Variants in ANKRD13B observed in about 807,000 individuals in gnomAD.
The protein encoded by ANKRD13B is ankyrin repeat domain 13B, also known as ankyrin repeat domain-containing protein 13B.
Under a neutral mutation model 74.4 loss-of-function variants are expected in ANKRD13B, and 33 were observed. The observed-to-expected ratio is 0.44, with a 90% CI of 0.34 to 0.59. The LOEUF (loss-of-function observed/expected upper bound fraction) is 0.59, where lower values mean the gene tolerates loss of function less well. Ranked by LOEUF, ANKRD13B falls within the 20% of genes least tolerant of loss-of-function variation. The probability of loss-of-function intolerance (pLI) is 0.02; values close to 1 mark genes in which losing one functional copy is unlikely to be tolerated. For missense variants in ANKRD13B, 676 were observed against 877.9 expected (o/e 0.77, Z 2.91); for synonymous variants, 341 against 362.9 (o/e 0.94, Z 0.68).
In ANKRD13B at chr17:29,593,667, T is replaced by C. The variant is rs1383526298; in HGVS notation, c.46T>C (p.Tyr16His). 2.8e-6 allele frequency: 4 copies of C among 1,431,538 alleles called. No individual in the cohort carries two copies. In the South Asian group the frequency reaches 4.2e-5, roughly 15 times the overall value. The allele number at this position is 1,431,538 out of a possible 1,614,324, so 88.7% of individuals were successfully genotyped here. Residue 16 changes from tyrosine to histidine, a missense_variant, in exon 1 of 15, where the codon TAT (tyrosine) becomes CAT (histidine). This residue lies in a region of ANKRD13B where 88 missense variants were observed against 87.8 expected (regional missense o/e 1.00). Transcript: ENST00000394859. ...CGCCAGGAAGGGGCCCGAGGGCAAG[T>C]ATCCGCTGCACTACCTCGTGTGGCA... ...ASARKGPEGK[Y>H]PLHYLVWHNR...
At chr17:29,603,138 C>G (rs539530876) in intron 1 of ANKRD13B, among the ~76,000 whole-genome samples, 1 of 152,006 alleles carries the variant, frequency 6.6e-6, no homozygotes, top group Non-Finnish European at 1.5e-5. Flanking sequence ...CGTGAGCCAC[C>G]GCACCCGGCC....
In ANKRD13B at chr17:29,609,157, G is replaced by A; in HGVS notation, c.637G>A (p.Gly213Arg). Residue 213 changes from glycine to arginine, a missense_variant, in exon 6 of 15, where the codon GGG (glycine) becomes AGG (arginine). By Grantham distance (125) the Gly-to-Arg change is moderately radical. Transcript: ENST00000394859. This position sits in a 1 kb window ranked among gnomAD's most constrained non-coding sequence, Gnocchi z 4.0. The stretch of plus-strand genomic sequence containing the variant: ...GTACACAGAGACTCTGGCACTGGCT[G>A]GGCAGGACCGGGAGCTGCTGCTGGC... ...VVYTETLALAGQDRELLLAAA... is the reference protein window; with the variant it reads ...VVYTETLALARQDRELLLAAA... 1.2e-6 allele frequency: 2 copies of A among 1,612,358 alleles called. No homozygotes were observed. The highest frequency in any genetic ancestry group is 1.7e-6 in the Non-Finnish European group (2 of 1,180,030).
At chr17:29,596,527 G>A (rs1265970414) in intron 1 of ANKRD13B, among the ~76,000 whole-genome samples, 1 of 152,244 alleles carries the variant, frequency 6.6e-6, no homozygotes, top group Non-Finnish European at 1.5e-5. Flanking sequence ...GGGTTAGCCT[G>A]TGCAGCTCCC....
At chr17:29,597,988 G>T (rs1037631586) in intron 1 of ANKRD13B, among the ~76,000 whole-genome samples, 1 of 152,128 alleles carries the variant, frequency 6.6e-6, no homozygotes, top group African/African-American at 2.4e-5. Context: ...TAGCTGCAGC[G>T]GCTGCGGCTG....
intron 1 of ANKRD13B, among the ~76,000 whole-genome samples, chr17:29,601,244 CAG>C (rs1481002111): frequency 7.2e-6 from 1 of 138,084 alleles, no homozygotes; most frequent in Non-Finnish European, 1.5e-5. Flanking sequence ...TTTTTTGAGA[CAG>C]AGTCTCTCTC....
At chr17:29,607,542 CGTGTCTGTCTTTCCGTTGCTCATA>C (rs887635735) in intron 1 of ANKRD13B, among the ~76,000 whole-genome samples, 176 bp from the exon 2 acceptor site, 3 of 152,220 alleles carry the variant, frequency 2.0e-5, no homozygotes, top group South Asian at 2.1e-4. Context: ...TTTCCATCCA[CGTGTCTGTCTTTCCGTTGCTCATA>C]GTGTCTGTCT....
In ANKRD13B at chr17:29,613,404, C is replaced by G. The variant is rs1025052775; in HGVS notation, c.1703C>G (p.Pro568Arg). ...CAGCCTGCGCCCCCGGCGTCAGTGC[C>G]CAGCCCTCGGCCCAGCTCAGGGCCA... is the stretch of plus-strand genomic sequence containing the variant. The part of the protein sequence containing the change: ...QRQPAPPASV[P>R]SPRPSSGPGS... Residue 568 changes from proline to arginine, a missense_variant, in exon 15 of 15, where the codon CCC becomes CGC. By Grantham distance (103) the Pro-to-Arg change is moderately radical. Around this residue, in one of 4 missense-constraint regions of ANKRD13B, gnomAD observed 108 missense variants for 90.3 expected, o/e 1.20. Coordinates refer to ENST00000394859, the MANE Select transcript of ANKRD13B (RefSeq NM_152345.5). 6.6e-6 allele frequency: 10 copies of G among 1,504,904 alleles called. No homozygotes were observed. In the Admixed American group the frequency reaches 8.5e-5, roughly 13 times the overall value. The allele number at this position is 1,504,904 out of a possible 1,614,324, so 93.2% of individuals were successfully genotyped here. A position where few individuals can be genotyped will look rare whatever the true frequency, so the allele number is the denominator to read the frequency against.
rs766767416 is a variant in ANKRD13B, at chr17:29,611,401, C to T, written c.905-178C>T. Among the ~76,000 whole-genome samples the T allele has an allele frequency of 3.3e-5, 5 of 152,184 alleles. No homozygotes were observed. The highest frequency in any genetic ancestry group is 5.9e-5 in the Non-Finnish European group (4 of 68,022). ...AGCTGTGCTCACAGAGGCCCTGGCC[C>T]CTGGTCCTTGAAGCACTCAGTCCCC... is the stretch of plus-strand genomic sequence containing the variant. On this transcript the variant is annotated intron_variant, in intron 8 of 14. Coordinates refer to ENST00000394859, the MANE Select transcript of ANKRD13B (RefSeq NM_152345.5). This position sits in a 1 kb window ranked among gnomAD's most constrained non-coding sequence, Gnocchi z 4.3.
rs1338444019 is a variant in ANKRD13B at position 29,611,814 on chromosome 17, A to T, written c.970-62A>T. On this transcript the variant is annotated intron_variant, in intron 9 of 14. Transcript: ENST00000394859. The surrounding 1 kb of genome is among the most constrained non-coding windows in gnomAD (Gnocchi z 4.3). The stretch of plus-strand genomic sequence containing the variant: ...ACAGCTTGGGGGCCTTGTGACAACA[A>T]ATGAGTTGGCCTGGCATTAGGAACT... 9 of 1,565,216 alleles carry T rather than the reference A, an allele frequency of 5.8e-6. No homozygotes were observed. In the Admixed American group the frequency reaches 1.4e-4, roughly 25 times the overall value.
At position 29,612,856 on chromosome 17, in the gene ANKRD13B, C is replaced by T. The variant is rs771592128; in HGVS notation, c.1576-31C>T. 3.7e-6 allele frequency: 6 copies of T among 1,600,254 alleles called. No homozygotes were observed. The highest frequency in any genetic ancestry group is 5.1e-6 in the Non-Finnish European group (6 of 1,179,072). On this transcript the variant is annotated intron_variant, in intron 13 of 14. Coordinates refer to ENST00000394859, the MANE Select transcript of ANKRD13B (RefSeq NM_152345.5). The surrounding 1 kb of genome is among the most constrained non-coding windows in gnomAD (Gnocchi z 6.1). ...CGCGCGGGGCCACGGGACTCCGCGC[C>T]GCCACGGCTAACGCCCACGCCTCCC...
chr17:29,599,875 T>TTTTTG (rs2034096250), intron 1 of ANKRD13B, among the ~76,000 whole-genome samples: 1 of 118,628 alleles, frequency 8.4e-6, no homozygotes, highest in Non-Finnish European at 1.7e-5. Flanking sequence ...GTTTTTTTTT[T>TTTTTG]TTTTTTTTTT....
chr17:29,608,571 T>G lies in ANKRD13B; in HGVS notation c.422-280T>G. On this transcript the variant is annotated intron_variant, in intron 4 of 14. Transcript: ENST00000394859. This position sits in a 1 kb window ranked among gnomAD's most constrained non-coding sequence, Gnocchi z 6.4. ...CACTCAGTAGGTGTTTCATAAATAT[T>G]TGTTGAAAGAATGGATGAAAGAGTG... 1 of 571,370 alleles carries G rather than the reference T, an allele frequency of 1.8e-6. No individual in the cohort carries two copies. The highest frequency in any genetic ancestry group is 4.7e-4 in the Middle Eastern group (1 of 2,136). The allele number at this position is 571,370 out of a possible 1,614,324, so 35.4% of individuals were successfully genotyped here.
intron 1 of ANKRD13B, among the ~76,000 whole-genome samples, chr17:29,600,922 CTTTTTTTTT>C: frequency 8.0e-6 from 1 of 125,688 alleles, no homozygotes; most frequent in Non-Finnish European, 1.7e-5. Context: ...ATTTTACTGA[CTTTTTTTTT>C]TTTTTTTTTT....
intron 1 of ANKRD13B, among the ~76,000 whole-genome samples, chr17:29,600,613 G>A (rs1040844794): frequency 6.6e-6 from 1 of 152,166 alleles, no homozygotes; most frequent in African/African-American, 2.4e-5. Context: ...AGCTTAATGA[G>A]GCTGGGAAGG....
chr17:29,612,032 G>A lies in ANKRD13B; in HGVS notation c.1100+26G>A. ...GTGAGGCCCCTGCCGGTGCTGGGAAGGTGGGGGGCCGGGGCTCCAGGAGAT... is the reference window on the plus strand; with the variant it reads ...GTGAGGCCCCTGCCGGTGCTGGGAAAGTGGGGGGCCGGGGCTCCAGGAGAT... On this transcript the variant is annotated intron_variant, in intron 10 of 14. Transcript: ENST00000394859. This position sits in a 1 kb window ranked among gnomAD's most constrained non-coding sequence, Gnocchi z 6.1. 6.2e-7 allele frequency: 1 copy of A among 1,609,374 alleles called. No homozygotes were observed. Among genetic ancestry groups the A allele is most frequent in the Non-Finnish European group, 8.5e-7 (1 of 1,177,180 alleles).
At chr17:29,597,550 C>G (rs62068576) in intron 1 of ANKRD13B, among the ~76,000 whole-genome samples, 52,050 of 151,918 alleles carry the variant, frequency 0.34, 10,712 homozygotes, top group East Asian at 0.65. Flanking sequence ...AAGGAATCTC[C>G]GTTCTCTTGG....
At chr17:29,605,977 A>G (rs1186154179) in intron 1 of ANKRD13B, among the ~76,000 whole-genome samples, 1 of 151,314 alleles carries the variant, frequency 6.6e-6, no homozygotes, top group Non-Finnish European at 1.5e-5. Flanking sequence ...CAGTGGCATG[A>G]TCTCGGCTCA....
intron 14 of ANKRD13B, 157 bp downstream of exon 14, chr17:29,613,120 G>C: frequency 8.3e-7 from 1 of 1,201,782 alleles, no homozygotes; most frequent in Non-Finnish European, 1.2e-6. Flanking sequence ...GCAGGCAGGG[G>C]TCAGGGATCC....
In ANKRD13B at chr17:29,613,793, G is replaced by A; in HGVS notation, c.*211G>A. 1.4e-6 allele frequency: 1 copy of A among 708,612 alleles called. No individual in the cohort carries two copies. The highest frequency in any genetic ancestry group is 2.1e-6 in the Non-Finnish European group (1 of 469,550). The allele number at this position is 708,612 out of a possible 1,614,324, so 43.9% of individuals were successfully genotyped here. ...CCAGGGCCCTGGAGGCAACTGGCAC[G>A]GCCTGGTCCCCCTGCTTTGCTGTAT... On this transcript the variant is annotated 3_prime_UTR_variant, in exon 15 of 15. Transcript: ENST00000394859.
Sources: gnomAD v4.1 joint callset for allele counts (sites outside exome capture counted in the v4.1 genomes callset) on GRCh38, gnomAD v4.1.1 for gene constraint, gnomAD v4.1.1 regional missense constraint, Gnocchi (gnomAD v3.1) non-coding constraint, MANE v1.5 for transcripts, NCBI Gene and HGNC (gene_info 2026-07-23, HGNC 2026-07-21) for gene names.